The following GRIK2 variants were observed in gnomAD, a reference collection of about 807,000 sequenced individuals.
GRIK2 encodes the protein glutamate ionotropic receptor kainate type subunit 2.
GRIK2 carries 32 observed loss-of-function variants against 100.3 expected under a neutral mutation model. That is an observed-to-expected ratio of 0.32 (90% CI 0.24 to 0.43). The LOEUF (loss-of-function observed/expected upper bound fraction) is 0.43. Ranked by LOEUF, GRIK2 falls within the 20% of genes least tolerant of loss-of-function variation. The pLI, the probability that GRIK2 is intolerant of heterozygous loss-of-function variation, is 1.00. For missense variants in GRIK2, 843 were observed against 1,114.9 expected, an observed-to-expected ratio of 0.76 and a Z score of 3.47; for synonymous variants, 417 against 389.4, an observed-to-expected ratio of 1.07 and a Z score of -0.83.
intron 2 of GRIK2, among the ~76,000 whole-genome samples, chr6:101,582,409 T>C (rs1459222256): frequency 6.6e-6 from 1 of 152,010 alleles, no homozygotes; most frequent in Admixed American, 6.6e-5. Flanking sequence ...ATAAAGAGAT[T>C]TGATGATTTT....
intron 2 of GRIK2, among the ~76,000 whole-genome samples, chr6:101,479,579 T>A (rs562298469): frequency 1.3e-3 from 203 of 152,280 alleles, no homozygotes; most frequent in African/African-American, 4.4e-3. Flanking sequence ...GATTAAGTTA[T>A]TATTTGTAAT....
chr6:101,638,834 T>A (rs939235322), intron 4 of GRIK2, among the ~76,000 whole-genome samples: 47 of 151,374 alleles, frequency 3.1e-4, no homozygotes, highest in African/African-American at 1.1e-3. Context: ...AAAAAAAAAA[T>A]TAATTAGCTA....
rs1195118456 is a variant in GRIK2, at chr6:101,825,517, G to C, written c.1317+7034G>C. On this transcript the variant is annotated intron_variant, in intron 10 of 16. Transcript: ENST00000369134. Reference sequence around the variant, plus strand: ...AATTTCTAAAGCCTTCTAAGTGCCAGAACCTCATTTTTTACTTCATATACA... The same window carrying C: ...AATTTCTAAAGCCTTCTAAGTGCCACAACCTCATTTTTTACTTCATATACA... 2.6e-5 allele frequency among the ~76,000 whole-genome samples: 4 copies of C among 152,128 alleles called. No homozygotes were observed. The East Asian group carries it at 7.8e-4, about 29-fold the overall frequency.
At chr6:101,898,980 C>G (rs918284310) in intron 12 of GRIK2, among the ~76,000 whole-genome samples, 2 of 151,748 alleles carry the variant, frequency 1.3e-5, no homozygotes, top group African/African-American at 4.8e-5. Flanking sequence ...CTCACAACAC[C>G]TTAATTGCTA....
intron 2 of GRIK2, among the ~76,000 whole-genome samples, chr6:101,586,892 C>CAAAAAAAAAAAA (rs1199378638): frequency 1.9e-5 from 1 of 53,970 alleles, no homozygotes; most frequent in African/African-American, 5.9e-5. Flanking sequence ...TCTGTCTTAA[C>CAAAAAAAAAAAA]AAAAAAAAAA....
chr6:101,450,960 T>C (rs1770642617), intron 2 of GRIK2, among the ~76,000 whole-genome samples: 1 of 151,772 alleles, frequency 6.6e-6, no homozygotes, highest in Non-Finnish European at 1.5e-5. Context: ...AGGATTCTAT[T>C]TGATAAACTT....
intron 3 of GRIK2, among the ~76,000 whole-genome samples, chr6:101,623,300 A>T (rs1562267159): frequency 6.6e-6 from 1 of 152,062 alleles, no homozygotes; most frequent in African/African-American, 2.4e-5. Context: ...CTTTGAATTC[A>T]TATCTTTATG....
intron 2 of GRIK2, among the ~76,000 whole-genome samples, chr6:101,414,378 T>G (rs901666176): frequency 7.2e-5 from 11 of 152,232 alleles, no homozygotes; most frequent in Non-Finnish European, 8.8e-5. Context: ...TCTTCTGTAT[T>G]TTTATATGAT....
At chr6:102,060,480 A>C (rs527302966) in intron 16 of GRIK2, among the ~76,000 whole-genome samples, 4 of 150,912 alleles carry the variant, frequency 2.7e-5, no homozygotes, top group African/African-American at 9.7e-5. Context: ...TCTGTATTTC[A>C]TGGAAACAGA....
At chr6:101,886,166 A>T (rs1477318748) in intron 11 of GRIK2, among the ~76,000 whole-genome samples, 1 of 152,166 alleles carries the variant, frequency 6.6e-6, no homozygotes, top group Non-Finnish European at 1.5e-5. Flanking sequence ...ATCATAAAGT[A>T]CATGGCCTTT....
chr6:102,033,647 T>C (rs1321982063), intron 14 of GRIK2, among the ~76,000 whole-genome samples: 1 of 151,372 alleles, frequency 6.6e-6, no homozygotes, highest in Non-Finnish European at 1.5e-5. Flanking sequence ...TTTCTTAAAC[T>C]GAGCTTTCAT....
intron 5 of GRIK2, among the ~76,000 whole-genome samples, chr6:101,678,883 G>T (rs2518296): frequency 0.93 from 140,998 of 152,300 alleles, 65,345 homozygotes; most frequent in African/African-American, 0.96. Flanking sequence ...CTTTTACTAG[G>T]TATTGAACAA....
chr6:101,967,936 C>A (rs1183792963), intron 14 of GRIK2, among the ~76,000 whole-genome samples: 2 of 151,720 alleles, frequency 1.3e-5, no homozygotes, highest in Non-Finnish European at 2.9e-5. Context: ...TCCCACCCCC[C>A]ACCATATAAA....
At chr6:101,772,667 C>T (rs1177261439) in intron 7 of GRIK2, among the ~76,000 whole-genome samples, 3 of 123,942 alleles carry the variant, frequency 2.4e-5, no homozygotes, top group Non-Finnish European at 4.9e-5. Context: ...GGTTTGATCT[C>T]TTCCCTAATG....
chr6:101,597,050 T>A (rs1778961483), intron 2 of GRIK2, among the ~76,000 whole-genome samples: 1 of 151,862 alleles, frequency 6.6e-6, no homozygotes, highest in African/African-American at 2.4e-5. Context: ...CATAAAATAC[T>A]ATGCAGCCAT....
chr6:101,738,266 CAATTGT>C (rs959143164), intron 7 of GRIK2, among the ~76,000 whole-genome samples: 7 of 137,978 alleles, frequency 5.1e-5, no homozygotes, highest in South Asian at 2.3e-4. Flanking sequence ...TGTCAAATGT[CAATTGT>C]AATTGTAATT....
chr6:101,399,414 G>A, intron 2 of GRIK2, 22 bp downstream of exon 2: 1 of 1,198,154 alleles, frequency 8.3e-7, no homozygotes, highest in Non-Finnish European at 1.3e-6. Context: ...CATCTCTCTT[G>A]GTTGCCTGGT....
At chr6:101,619,017 T>G (rs1175545253) in intron 2 of GRIK2, among the ~76,000 whole-genome samples, 1 of 148,956 alleles carries the variant, frequency 6.7e-6, no homozygotes, top group East Asian at 2.0e-4. Context: ...GTGAATCTAC[T>G]TTTTTCTTCT....
chr6:101,417,580 TATA>T (rs1407480609), intron 2 of GRIK2, among the ~76,000 whole-genome samples: 1 of 152,220 alleles, frequency 6.6e-6, no homozygotes, highest in Non-Finnish European at 1.5e-5. Flanking sequence ...TGCACACAGA[TATA>T]ATCACAGTGG....
Sources: gnomAD v4.1 joint callset for allele counts (sites outside exome capture counted in the v4.1 genomes callset) on GRCh38, gnomAD v4.1.1 for gene constraint, MANE v1.5 for transcripts, NCBI Gene and HGNC (gene_info 2026-07-23, HGNC 2026-07-21) for gene names.